Variants in PLA2G2C observed in about 807,000 individuals in gnomAD.
PLA2G2C encodes putative inactive group IIC secretory phospholipase A2.
PLA2G2C carries 15 observed loss-of-function variants against 14.3 expected under a neutral mutation model. The ratio of observed to expected loss-of-function variants is 1.05; its 90% CI spans 0.70 to 1.62. The LOEUF (loss-of-function observed/expected upper bound fraction) is 1.62. PLA2G2C is among the 40% of genes most tolerant of loss of function. The probability of loss-of-function intolerance (pLI) is 0.00; values close to 1 mark genes in which losing one functional copy is unlikely to be tolerated. For synonymous variants in PLA2G2C, 79 were observed against 67.7 expected (o/e 1.17, Z -0.82); for missense variants, 162 against 173.2 (o/e 0.94, Z 0.36).
In PLA2G2C at chr1:20,170,708, C is replaced by T. The variant is rs1293085460; in HGVS notation, c.283+2086G>A. ...GCTGGGTCAGCTGAGGAGGCGGGTG[C>T]TGATGCCCTGGTACTGATGCGGAAG... On this transcript the variant is annotated intron_variant, in intron 4 of 4. Coordinates refer to ENST00000679259, the MANE Select transcript of PLA2G2C (RefSeq NM_001367969.2). Among the ~76,000 whole-genome samples the T allele has an allele frequency of 2.1e-5, 2 of 95,526 alleles. 1 individual carries two copies. The highest frequency in any genetic ancestry group is 8.9e-5 in the African/African-American group (2 of 22,428). The allele number at this position is 95,526 out of a possible 152,430, so 62.7% of individuals were successfully genotyped here. A position where few individuals can be genotyped will look rare whatever the true frequency, so the allele number is the denominator to read the frequency against.
At chr1:20,165,335 T>G (rs2017957025) in intron 4 of PLA2G2C, among the ~76,000 whole-genome samples, 1 of 152,222 alleles carries the variant, frequency 6.6e-6, no homozygotes, top group Admixed American at 6.5e-5. Context: ...AAGCTCTCTC[T>G]GGCCATGTCC....
At chr1:20,171,456 G>GAGCCCCCAACCACACAGCCCCCAACCCA (rs2018071557) in intron 4 of PLA2G2C, among the ~76,000 whole-genome samples, 1 of 152,186 alleles carries the variant, frequency 6.6e-6, no homozygotes, top group East Asian at 1.9e-4. Context: ...CACAGCTGGT[G>GAGCCCCCAACCACACAGCCCCCAACCCA]CCAGGGAGAC....
At chr1:20,172,374 C>T (rs1183957393) in intron 4 of PLA2G2C, among the ~76,000 whole-genome samples, 1 of 152,158 alleles carries the variant, frequency 6.6e-6, no homozygotes, top group Non-Finnish European at 1.5e-5. Context: ...GCCCTGGCAG[C>T]ACCTATCTTA....
At chr1:20,172,607 G>T (rs1450432305) in intron 4 of PLA2G2C, among the ~76,000 whole-genome samples, 187 bp downstream of exon 4, 1 of 152,120 alleles carries the variant, frequency 6.6e-6, no homozygotes. Flanking sequence ...ATGGGTGGGA[G>T]AGACCAGGGC....
intron 3 of PLA2G2C, among the ~76,000 whole-genome samples, chr1:20,173,684 T>C (rs1347063603): frequency 6.6e-6 from 1 of 152,110 alleles, no homozygotes; most frequent in Non-Finnish European, 1.5e-5. Context: ...GGAGGAGAAA[T>C]ACCATCTGGA....
At chr1:20,179,827 C>T (rs1392159948) in intron 1 of PLA2G2C, among the ~76,000 whole-genome samples, 3 of 148,302 alleles carry the variant, frequency 2.0e-5, no homozygotes, top group Non-Finnish European at 4.4e-5. Context: ...TGTGTGTTAG[C>T]TTCTCCTTCT....
intron 1 of PLA2G2C, among the ~76,000 whole-genome samples, chr1:20,179,210 C>CTGTG (rs759867848): frequency 7.4e-4 from 94 of 127,700 alleles, no homozygotes; most frequent in African/African-American, 3.1e-3. Context: ...ATGTCAGTTT[C>CTGTG]TCTGTGTGTG....
rs867700032 is a variant in PLA2G2C at position 20,176,780 on chromosome 1, C to T, written c.40+544G>A. Among the ~76,000 whole-genome samples the T allele has an allele frequency of 5.9e-5, 9 of 152,332 alleles. No homozygotes were observed. The East Asian group carries it at 9.7e-4, about 16-fold the overall frequency. ...TGGATCTGGACAAACCTCCACTCAA[C>T]GAATCCAGCAAAAGAGTCTATCAGT... On this transcript the variant is annotated intron_variant, in intron 2 of 4. Coordinates refer to ENST00000679259, the MANE Select transcript of PLA2G2C (RefSeq NM_001367969.2).
At chr1:20,177,270 G>T in intron 2 of PLA2G2C, 54 bp downstream of exon 2, 1 of 700,246 alleles carries the variant, frequency 1.4e-6, no homozygotes, top group South Asian at 1.5e-5. Context: ...CCCTCCCACT[G>T]ACATAAACAG....
At chr1:20,185,231 G>C (rs1475407472) in intron 1 of PLA2G2C, among the ~76,000 whole-genome samples, 1 of 152,198 alleles carries the variant, frequency 6.6e-6, no homozygotes, top group Non-Finnish European at 1.5e-5. Context: ...ACTGAGGTTA[G>C]AGACCTCGTG....
chr1:20,185,661 T>C (rs1290421864), intron 1 of PLA2G2C, among the ~76,000 whole-genome samples: 1 of 152,154 alleles, frequency 6.6e-6, no homozygotes, highest in Non-Finnish European at 1.5e-5. Context: ...GCAACTCAGA[T>C]ACCCTAGAAG....
intron 4 of PLA2G2C, among the ~76,000 whole-genome samples, chr1:20,171,047 C>T (rs955157379): frequency 1.4e-5 from 2 of 141,694 alleles, no homozygotes; most frequent in Non-Finnish European, 3.1e-5. Context: ...CCTAGGCCAG[C>T]CCTGGCGAGT....
chr1:20,165,660 GC>G (rs2017961789), intron 4 of PLA2G2C, among the ~76,000 whole-genome samples: 1 of 152,212 alleles, frequency 6.6e-6, no homozygotes, highest in South Asian at 2.1e-4. Flanking sequence ...CGCACTGTGT[GC>G]ATGCACATGT....
rs2017913508 is a variant in PLA2G2C, at chr1:20,163,935, C to G, written c.*56G>C. 4 of 1,539,816 alleles carry G rather than the reference C, an allele frequency of 2.6e-6. No individual in the cohort carries two copies. The highest frequency in any genetic ancestry group is 3.5e-6 in the Non-Finnish European group (4 of 1,139,832). ...GTTGGGGATGATCTGAGAAGGCTTC[C>G]TGGAAGAGCAACACTAGAGCGGATG... On this transcript the variant is annotated 3_prime_UTR_variant, in exon 5 of 5. Transcript: ENST00000679259.
chr1:20,184,657 G>T, intron 1 of PLA2G2C: 1 of 152,464 alleles, frequency 6.6e-6, no homozygotes, highest in Non-Finnish European at 1.5e-5. Flanking sequence ...TAGAACTGGA[G>T]GGAGGGAGGA....
Position 20,166,569 on chromosome 1 carries a change from C to T in PLA2G2C, c.284-2412G>A, listed in dbSNP as rs1207142351. ...CTAGAGGGCCTGGTCCAGTTGCTGTCGCCCTGGAAACACTTTTCTCACCTT... is the reference window on the plus strand; with the variant it reads ...CTAGAGGGCCTGGTCCAGTTGCTGTTGCCCTGGAAACACTTTTCTCACCTT... On this transcript the variant is annotated intron_variant, in intron 4 of 4. Coordinates refer to ENST00000679259, the MANE Select transcript of PLA2G2C (RefSeq NM_001367969.2). 2.6e-5 allele frequency among the ~76,000 whole-genome samples: 4 copies of T among 152,320 alleles called. 1 individual carries two copies. In the South Asian group the frequency reaches 8.3e-4, roughly 32 times the overall value.
At chr1:20,181,219 A>T (rs2018274691) in intron 1 of PLA2G2C, among the ~76,000 whole-genome samples, 1 of 152,172 alleles carries the variant, frequency 6.6e-6, no homozygotes, top group Admixed American at 6.5e-5. Flanking sequence ...GGCAGTAAAT[A>T]AATATTTGAG....
At chr1:20,182,957 G>A (rs569916665) in intron 1 of PLA2G2C, among the ~76,000 whole-genome samples, 2 of 152,328 alleles carry the variant, frequency 1.3e-5, no homozygotes, top group South Asian at 2.1e-4. Context: ...TTGCTGGATC[G>A]CTCAGTGGAA....
chr1:20,170,185 T>C (rs2018046503), intron 4 of PLA2G2C, among the ~76,000 whole-genome samples: 1 of 152,206 alleles, frequency 6.6e-6, no homozygotes, highest in Admixed American at 6.5e-5. Flanking sequence ...CAGAGGCTCA[T>C]ACACTATAGC....
Sources: allele counts gnomAD v4.1 joint callset (sites outside exome capture counted in the v4.1 genomes callset), GRCh38; gene constraint gnomAD v4.1.1; transcripts MANE v1.5; gene names NCBI Gene and HGNC (gene_info 2026-07-23, HGNC 2026-07-21).